The following SNX8 variants were observed in gnomAD, a reference collection of about 807,000 sequenced individuals.
The protein encoded by SNX8 is sorting nexin-8.
A neutral mutation model predicts 51.6 loss-of-function variants in SNX8; 25 were observed. The observed-to-expected ratio is 0.48, with a 90% CI of 0.35 to 0.68. SNX8 has a LOEUF of 0.68. Ranked by LOEUF, SNX8 falls within the 30% of genes least tolerant of loss-of-function variation. The pLI is 0.00. For missense variants in SNX8, 695 were observed against 624.0 expected, an observed-to-expected ratio of 1.11 and a Z score of -1.21; for synonymous variants, 324 against 277.0, an observed-to-expected ratio of 1.17 and a Z score of -1.68.
At chr7:2,270,481 G>T (rs1395984167) in intron 4 of SNX8, among the ~76,000 whole-genome samples, 2 of 151,936 alleles carry the variant, frequency 1.3e-5, no homozygotes, top group Non-Finnish European at 2.9e-5. Context: ...AAGCAAGCAA[G>T]AAAACTGAGG....
intron 5 of SNX8, among the ~76,000 whole-genome samples, chr7:2,267,712 G>A (rs1795505389): frequency 6.7e-6 from 1 of 149,434 alleles, no homozygotes; most frequent in Non-Finnish European, 1.5e-5. Flanking sequence ...TGCCGAGACT[G>A]CAGCCTCTGC....
chr7:2,284,987 C>T (rs1262467997), intron 1 of SNX8, among the ~76,000 whole-genome samples: 16 of 151,790 alleles, frequency 1.1e-4, no homozygotes, highest in African/African-American at 2.9e-4. Flanking sequence ...CTGAGGTGGG[C>T]GGATCACAAG....
intron 2 of SNX8, among the ~76,000 whole-genome samples, chr7:2,275,578 T>C (rs1408928146): frequency 6.6e-6 from 1 of 152,152 alleles, no homozygotes; most frequent in Non-Finnish European, 1.5e-5. Flanking sequence ...GGTGGGCGGC[T>C]GTAGTCCCAG....
intron 1 of SNX8, among the ~76,000 whole-genome samples, chr7:2,296,795 T>C (rs1454525671): frequency 6.6e-6 from 1 of 151,766 alleles, no homozygotes; most frequent in Non-Finnish European, 1.5e-5. Flanking sequence ...CCAGGCATGG[T>C]GGCGGACACC....
chr7:2,300,542 A>T (rs868256081), intron 1 of SNX8, among the ~76,000 whole-genome samples: 21 of 152,060 alleles, frequency 1.4e-4, no homozygotes, highest in African/African-American at 3.1e-4. Flanking sequence ...CCTCCCAAGT[A>T]ACCGGAACTA....
chr7:2,257,572 G>T (rs751019973), intron 8 of SNX8, 58 bp from the exon 9 acceptor site: 1 of 1,591,048 alleles, frequency 6.3e-7, no homozygotes, highest in Non-Finnish European at 8.5e-7. Flanking sequence ...AGGGCCCTGC[G>T]GAGCCGGCCG....
At chr7:2,287,000 G>T (rs1160315896) in intron 1 of SNX8, among the ~76,000 whole-genome samples, 2 of 151,424 alleles carry the variant, frequency 1.3e-5, no homozygotes, top group Non-Finnish European at 2.9e-5. Flanking sequence ...TTAGCCAGGC[G>T]TGGTGGTGGG....
intron 1 of SNX8, among the ~76,000 whole-genome samples, chr7:2,341,130 A>G (rs1382419355): frequency 6.6e-6 from 1 of 150,454 alleles, no homozygotes; most frequent in African/African-American, 2.4e-5. Context: ...TGATCACGCC[A>G]TTCACTCCAG....
At chr7:2,352,589 T>C (rs979009748) in intron 1 of SNX8, among the ~76,000 whole-genome samples, 1 of 152,068 alleles carries the variant, frequency 6.6e-6, no homozygotes, top group African/African-American at 2.4e-5. Flanking sequence ...TCCCAGCACT[T>C]TGGGAGGCCG....
At chr7:2,312,562 TG>T (rs1429071607) in intron 1 of SNX8, among the ~76,000 whole-genome samples, 1 of 152,118 alleles carries the variant, frequency 6.6e-6, no homozygotes, top group Non-Finnish European at 1.5e-5. Flanking sequence ...AGACCCATTC[TG>T]AAAGGCCCTT....
chr7:2,338,233 C>A (rs560761744), intron 1 of SNX8, among the ~76,000 whole-genome samples: 1 of 151,960 alleles, frequency 6.6e-6, no homozygotes, highest in Non-Finnish European at 1.5e-5. Flanking sequence ...GAGGCCGAGG[C>A]GGGCGGATCA....
chr7:2,281,465 A>G (rs763616573), intron 1 of SNX8, among the ~76,000 whole-genome samples: 40 of 152,030 alleles, frequency 2.6e-4, no homozygotes, highest in Non-Finnish European at 4.9e-4. Context: ...AAATGGGTAC[A>G]CTGCCAGGTG....
At position 2,329,442 on chromosome 7, in the gene SNX8, G is replaced by A. The variant is rs535479623; in HGVS notation, c.-66+24780C>T. ...ACACAGTTGTGGTGTTATGAACTAC[G>A]TTGTTTTTCGTGCGGGGGCTCTTGG... On this transcript the variant is annotated intron_variant, in intron 1 of 5. Transcript: ENST00000435336. Among the ~76,000 whole-genome samples, 4 of 152,282 alleles carry A rather than the reference G, an allele frequency of 2.6e-5. No individual in the cohort carries two copies. In the East Asian group the frequency reaches 5.8e-4, roughly 22 times the overall value.
chr7:2,317,914 C>G (rs924247563), upstream of SNX8, among the ~76,000 whole-genome samples: 1 of 152,176 alleles, frequency 6.6e-6, no homozygotes, highest in Non-Finnish European at 1.5e-5. Context: ...ATGGCAGGAT[C>G]CTGTGACCTC....
In SNX8 at chr7:2,254,991, C is replaced by A; in HGVS notation, c.*65G>T. 3.7e-6 allele frequency: 4 copies of A among 1,091,920 alleles called. No homozygotes were observed. The highest frequency in any genetic ancestry group is 5.5e-6 in the Non-Finnish European group (4 of 732,700). The allele number at this position is 1,091,920 out of a possible 1,614,324, so 67.6% of individuals were successfully genotyped here. On this transcript the variant is annotated 3_prime_UTR_variant, in exon 11 of 11. Coordinates refer to ENST00000222990, the MANE Select transcript of SNX8 (RefSeq NM_013321.4). ...AGCTGCCGTCCAAAGGGAATTACAC[C>A]GGGACACACCGTTTGGAAAGAGGTT...
chr7:2,337,158 A>G (rs1410745476), intron 1 of SNX8: 1 of 152,126 alleles, frequency 6.6e-6, no homozygotes, highest in Non-Finnish European at 1.5e-5. Context: ...GTAGCATATA[A>G]GATCCGTGCA....
intron 1 of SNX8, among the ~76,000 whole-genome samples, chr7:2,346,493 A>T (rs1437265030): frequency 2.0e-5 from 3 of 150,906 alleles, no homozygotes; most frequent in Admixed American, 2.0e-4. Flanking sequence ...CACACCTGTA[A>T]TCCCAGCACT....
At position 2,278,183 on chromosome 7, in the gene SNX8, C is replaced by A; in HGVS notation, c.217G>T (p.Ala73Ser). 3 of 1,614,040 alleles carry A rather than the reference C, an allele frequency of 1.9e-6. No homozygotes were observed. Among genetic ancestry groups the A allele is most frequent in the Non-Finnish European group, 2.5e-6 (3 of 1,179,980 alleles). The change falls in exon 2 of 11, where the codon GCC becomes TCC. Residue 73 changes from alanine (A) to serine (S), a missense_variant. Transcript: ENST00000222990. The stretch of plus-strand genomic sequence containing the variant: ...AGCTCCACCTGCACGGTGTCCCTGG[C>A]CAGCAGCTCCTGCAGGGTGTGGGAC... ...LLSHTLQELL[A>S]RDTVQVELIP...
chr7:2,297,321 C>A (rs71525372), intron 1 of SNX8, among the ~76,000 whole-genome samples: 1 of 151,550 alleles, frequency 6.6e-6, no homozygotes, highest in East Asian at 1.9e-4. Context: ...GAGGCCGAGG[C>A]GGGCAGATCA....
Sources: gnomAD v4.1 joint callset for allele counts (sites outside exome capture counted in the v4.1 genomes callset) on GRCh38, gnomAD v4.1.1 for gene constraint, MANE v1.5 for transcripts, NCBI Gene and HGNC (gene_info 2026-07-23, HGNC 2026-07-21) for gene names.